STARD13: variants seen among roughly 807,000 people sequenced by gnomAD.
The protein encoded by STARD13 is StAR related lipid transfer domain containing 13, also known as stAR-related lipid transfer protein 13.
A neutral mutation model predicts 106.4 loss-of-function variants in STARD13; 62 were observed. That is an observed-to-expected ratio of 0.58 (90% CI 0.48 to 0.72). STARD13 has a LOEUF of 0.72. STARD13 is among the 30% of genes least tolerant of loss of function. The pLI, the probability that STARD13 is intolerant of heterozygous loss-of-function variation, is 0.00. For missense variants in STARD13, 1,387 were observed against 1,424.0 expected, an observed-to-expected ratio of 0.97 and a Z score of 0.42; for synonymous variants, 565 against 553.0, an observed-to-expected ratio of 1.02 and a Z score of -0.31.
chr13:33,128,353 A>G (rs1393714379), intron 5 of STARD13, among the ~76,000 whole-genome samples: 1 of 152,106 alleles, frequency 6.6e-6, no homozygotes, highest in Non-Finnish European at 1.5e-5. Context: ...ACATCACTGA[A>G]CCACAAGACA....
the STARD13 span, among the ~76,000 whole-genome samples, chr13:33,436,195 GA>G: frequency 1.3e-5 from 2 of 152,074 alleles, no homozygotes; most frequent in Non-Finnish European, 2.9e-5. Context: ...ATTACTCAGA[GA>G]AAAAAATATA....
downstream of STARD13, among the ~76,000 whole-genome samples, chr13:33,344,328 A>G (rs956125620): frequency 6.6e-6 from 1 of 152,230 alleles, no homozygotes; most frequent in African/African-American, 2.4e-5. Flanking sequence ...TATAAATAGC[A>G]TCTAAACGTA....
intron 1 of STARD13, among the ~76,000 whole-genome samples, chr13:33,191,481 C>T (rs766371924): frequency 1.3e-5 from 2 of 152,168 alleles, no homozygotes; most frequent in African/African-American, 4.8e-5. Flanking sequence ...ACATTAATGT[C>T]TCTTTGGAAA....
intron 1 of STARD13, among the ~76,000 whole-genome samples, chr13:33,191,329 T>C (rs1342638046): frequency 6.6e-6 from 1 of 152,258 alleles, no homozygotes; most frequent in African/African-American, 2.4e-5. Context: ...TAGCTACTTG[T>C]ATGACCTTGG....
chr13:33,288,427 C>T (rs911304021), upstream of STARD13, among the ~76,000 whole-genome samples: 2 of 151,574 alleles, frequency 1.3e-5, no homozygotes, highest in East Asian at 1.9e-4. Flanking sequence ...CACACCATCA[C>T]ACCTGGCCAA....
chr13:33,595,243 A>T, the STARD13 span, among the ~76,000 whole-genome samples: 1 of 152,158 alleles, frequency 6.6e-6, no homozygotes, highest in Non-Finnish European at 1.5e-5. Flanking sequence ...TTTAAAATAG[A>T]GCTTATGTGT....
the STARD13 span, among the ~76,000 whole-genome samples, chr13:33,569,651 C>G: frequency 2.0e-5 from 3 of 147,438 alleles, no homozygotes; most frequent in South Asian, 6.5e-4. Flanking sequence ...AAAAAAGACC[C>G]GCATCAGTTA....
At chr13:33,323,264 G>C (rs1408291948) in intron 1 of STARD13, among the ~76,000 whole-genome samples, 1 of 152,146 alleles carries the variant, frequency 6.6e-6, no homozygotes, top group Non-Finnish European at 1.5e-5. Flanking sequence ...CTTTGCATAT[G>C]CTGTTCCCAC....
At chr13:33,382,585 G>A in the STARD13 span, among the ~76,000 whole-genome samples, 1 of 152,154 alleles carries the variant, frequency 6.6e-6, no homozygotes, top group South Asian at 2.1e-4. Flanking sequence ...GCACACAAAT[G>A]TTAAGTAAAC....
At chr13:33,646,823 G>C in the STARD13 span, among the ~76,000 whole-genome samples, 1 of 151,656 alleles carries the variant, frequency 6.6e-6, no homozygotes, top group African/African-American at 2.4e-5. Context: ...AAAAGTGGAA[G>C]GTGTTATATA....
chr13:33,152,879 T>C (rs1407214297), intron 3 of STARD13, among the ~76,000 whole-genome samples: 4 of 152,118 alleles, frequency 2.6e-5, no homozygotes, highest in African/African-American at 9.7e-5. Context: ...CCGTGGCCTA[T>C]AACAGAATGA....
chr13:33,275,851 G>A (rs1026310396), intron 1 of STARD13: 1 of 152,330 alleles, frequency 6.6e-6, no homozygotes, highest in African/African-American at 2.4e-5. Context: ...AAGGCACAAG[G>A]TAAATACCCA....
Position 33,254,681 on chromosome 13 carries a change from G to A in STARD13, c.169+30789C>T, listed in dbSNP as rs554987823. On this transcript the variant is annotated intron_variant, in intron 1 of 13. Transcript: ENST00000336934. Reference sequence around the variant, plus strand: ...CCTGTAGGTGAGGAGACAAGCACACGAACTGTGGAATGACGTGGCAGAGAA... The same window carrying A: ...CCTGTAGGTGAGGAGACAAGCACACAAACTGTGGAATGACGTGGCAGAGAA... Among the ~76,000 whole-genome samples, 39 of 152,256 alleles carry A rather than the reference G, an allele frequency of 2.6e-4. No homozygotes were observed. In the South Asian group the frequency reaches 6.8e-3, roughly 27 times the overall value.
At chr13:33,594,045 T>A in the STARD13 span, among the ~76,000 whole-genome samples, 2 of 152,180 alleles carry the variant, frequency 1.3e-5, no homozygotes, top group African/African-American at 4.8e-5. Context: ...TAGCTGGGAC[T>A]ACAGGTGCCC....
chr13:33,273,349 T>C (rs1891254255), intron 1 of STARD13, among the ~76,000 whole-genome samples: 1 of 152,222 alleles, frequency 6.6e-6, no homozygotes, highest in Admixed American at 6.5e-5. Flanking sequence ...ACAGCCAATA[T>C]TTTATCCTAC....
At chr13:33,544,468 A>G in the STARD13 span, among the ~76,000 whole-genome samples, 1 of 152,254 alleles carries the variant, frequency 6.6e-6, no homozygotes, top group Non-Finnish European at 1.5e-5. Flanking sequence ...ACAAATAGAA[A>G]TACAGATATT....
chr13:33,130,407 C>A lies in STARD13; in HGVS notation c.388-118G>T. The A allele has an allele frequency of 2.1e-6, 2 of 973,566 alleles. No homozygotes were observed. Among genetic ancestry groups the A allele is most frequent in the Non-Finnish European group, 3.0e-6 (2 of 659,284 alleles). 60.3% of individuals were successfully genotyped at this position (973,566 alleles called of 1,614,324 possible). A position where few individuals can be genotyped will look rare whatever the true frequency, so the allele number is the denominator to read the frequency against. ...CCTCCCTCCCCTCTGTCCTCCCATG[C>A]ACAGGTGTGAGCTTCTTGGGCACCT... On this transcript the variant is annotated intron_variant, in intron 4 of 13. Coordinates refer to ENST00000336934, the MANE Select transcript of STARD13 (RefSeq NM_178006.4). This position sits in a 1 kb window ranked among gnomAD's most constrained non-coding sequence, Gnocchi z 4.1.
the STARD13 span, among the ~76,000 whole-genome samples, chr13:33,406,691 A>G: frequency 6.6e-6 from 1 of 152,206 alleles, no homozygotes; most frequent in African/African-American, 2.4e-5. Flanking sequence ...ACTAGACAGC[A>G]CTTCAGTACT....
intron 7 of STARD13, among the ~76,000 whole-genome samples, chr13:33,119,187 A>G (rs1593876858): frequency 6.6e-6 from 1 of 152,196 alleles, no homozygotes; most frequent in Non-Finnish European, 1.5e-5. Flanking sequence ...CCCGCTATTC[A>G]AAAAGGAACT....
Sources: gnomAD v4.1 joint callset for allele counts (sites outside exome capture counted in the v4.1 genomes callset) on GRCh38, gnomAD v4.1.1 for gene constraint, Gnocchi (gnomAD v3.1) non-coding constraint, MANE v1.5 for transcripts, NCBI Gene and HGNC (gene_info 2026-07-23, HGNC 2026-07-21) for gene names.